Variants in ZBTB20 observed in about 807,000 individuals in gnomAD.
ZBTB20 encodes zinc finger and BTB domain-containing protein 20.
Under a neutral mutation model 56.9 loss-of-function variants are expected in ZBTB20, and 9 were observed. The observed-to-expected ratio is 0.16, with a 90% CI of 0.10 to 0.28. The LOEUF (loss-of-function observed/expected upper bound fraction) is 0.28, where lower values mean the gene tolerates loss of function less well. Among genes scored for constraint, ZBTB20 ranks in the 10% least tolerant of loss-of-function variants. ZBTB20 has a pLI of 1.00. For synonymous variants in ZBTB20, 417 were observed against 420.7 expected (o/e 0.99, Z 0.11); for missense variants, 655 against 1,003.0 (o/e 0.65, Z 4.69).
At chr3:114,479,076 C>G (rs957048973) in intron 7 of ZBTB20, among the ~76,000 whole-genome samples, 7 of 138,630 alleles carry the variant, frequency 5.0e-5, no homozygotes, top group African/African-American at 1.1e-4. Flanking sequence ...TGGGGGGGGG[C>G]CACAGTAGGG....
At chr3:114,536,388 A>C (rs1577365331) in intron 6 of ZBTB20, among the ~76,000 whole-genome samples, 1 of 152,180 alleles carries the variant, frequency 6.6e-6, no homozygotes, top group South Asian at 2.1e-4. Context: ...TCCATTCATA[A>C]TTGCCATAAA....
chr3:114,787,702 T>G (rs1463598886), intron 5 of ZBTB20, among the ~76,000 whole-genome samples: 1 of 151,992 alleles, frequency 6.6e-6, no homozygotes, highest in East Asian at 1.9e-4. Flanking sequence ...CCAAGAAGTT[T>G]ATTAATGTCA....
chr3:114,903,271 C>G (rs1197286689), intron 3 of ZBTB20, among the ~76,000 whole-genome samples: 2 of 152,004 alleles, frequency 1.3e-5, no homozygotes, highest in Non-Finnish European at 2.9e-5. Flanking sequence ...ACTCACCCTA[C>G]GAGGTTGTCT....
intron 1 of ZBTB20, among the ~76,000 whole-genome samples, chr3:115,091,441 A>G (rs2083189327): frequency 6.6e-6 from 1 of 152,106 alleles, no homozygotes; most frequent in Non-Finnish European, 1.5e-5. Flanking sequence ...CCCAAATAAT[A>G]GCAAATTTGT....
At chr3:114,739,448 A>T (rs973037942) in intron 5 of ZBTB20, among the ~76,000 whole-genome samples, 1 of 152,070 alleles carries the variant, frequency 6.6e-6, no homozygotes, top group African/African-American at 2.4e-5. Flanking sequence ...AACATAGTCC[A>T]CCATCACAGG....
At chr3:114,340,582 C>A (rs1373858524) in intron 11 of ZBTB20, among the ~76,000 whole-genome samples, 1 of 152,078 alleles carries the variant, frequency 6.6e-6, no homozygotes, top group Non-Finnish European at 1.5e-5. Context: ...GTCCATGGGT[C>A]CGTGACATCT....
chr3:114,593,666 G>A (rs2056028233), intron 6 of ZBTB20, among the ~76,000 whole-genome samples: 1 of 152,128 alleles, frequency 6.6e-6, no homozygotes, highest in African/African-American at 2.4e-5. Flanking sequence ...TTACAGGTGT[G>A]AGCCACTGCG....
intron 7 of ZBTB20, among the ~76,000 whole-genome samples, chr3:114,490,223 T>G (rs779530703): frequency 6.6e-6 from 1 of 152,110 alleles, no homozygotes; most frequent in Non-Finnish European, 1.5e-5. Context: ...ATATATTTAT[T>G]GATTGATTGA....
intron 4 of ZBTB20, among the ~76,000 whole-genome samples, chr3:114,895,995 T>G (rs2074862710): frequency 6.6e-6 from 1 of 152,088 alleles, no homozygotes; most frequent in African/African-American, 2.4e-5. Flanking sequence ...AATCCAGATA[T>G]CCTAAGTGCA....
At chr3:114,476,080 A>G (rs2040728080) in intron 7 of ZBTB20, among the ~76,000 whole-genome samples, 1 of 152,220 alleles carries the variant, frequency 6.6e-6, no homozygotes, top group Admixed American at 6.5e-5. Context: ...AAAAGGTGGG[A>G]TTATACCATA....
rs763111427 is a variant in ZBTB20, at chr3:114,453,922, C to G, written c.-255+46430G>C. On this transcript the variant is annotated intron_variant, in intron 7 of 11. Transcript: ENST00000675478. ...ACATATATCAGACATTAAGCTCACT[C>G]CCCCCCCCCCCACCCTTCCCTTTGT... Among the ~76,000 whole-genome samples, 433 of 64,404 alleles carry G rather than the reference C, an allele frequency of 6.7e-3. 4 individuals carry two copies. Among genetic ancestry groups the G allele is most frequent in the Middle Eastern group, 0.017 (2 of 116 alleles). The allele number at this position is 64,404 out of a possible 152,430, so 42.3% of individuals were successfully genotyped here.
chr3:114,647,051 C>T (rs549986155), intron 6 of ZBTB20, among the ~76,000 whole-genome samples: 113 of 152,064 alleles, frequency 7.4e-4, no homozygotes, highest in African/African-American at 2.1e-3. Flanking sequence ...CTCTGCCTCC[C>T]GGGTTCATGC....
intron 6 of ZBTB20, among the ~76,000 whole-genome samples, chr3:114,691,789 A>C (rs1416891347): frequency 6.6e-6 from 1 of 152,076 alleles, no homozygotes; most frequent in African/African-American, 2.4e-5. Context: ...ATTGGATTTA[A>C]ATTATAGAAA....
Position 115,062,591 on chromosome 3 carries a change from T to C in ZBTB20, c.-507+8628A>G, listed in dbSNP as rs2082050163. The stretch of plus-strand genomic sequence containing the variant: ...TTGTTTGTTTGCTGTTGGGTTTTTA[T>C]TGTTGGAATGTTTTTATTTTAAAAA... On this transcript the variant is annotated intron_variant, in intron 2 of 11. Transcript: ENST00000675478. 2.6e-5 allele frequency among the ~76,000 whole-genome samples: 4 copies of C among 152,118 alleles called. No individual in the cohort carries two copies. In the South Asian group the frequency reaches 8.3e-4, roughly 31 times the overall value.
At chr3:114,514,123 T>C (rs1426705215) in intron 6 of ZBTB20, among the ~76,000 whole-genome samples, 1 of 152,118 alleles carries the variant, frequency 6.6e-6, no homozygotes, top group Non-Finnish European at 1.5e-5. Flanking sequence ...GTTTTTAGCA[T>C]TGCTAGAGCT....
At chr3:114,501,550 T>C (rs1434153080) in intron 6 of ZBTB20, among the ~76,000 whole-genome samples, 1 of 140,736 alleles carries the variant, frequency 7.1e-6, no homozygotes, top group Non-Finnish European at 1.5e-5. Context: ...TGCTTGAACC[T>C]GGGAGGCGGA....
intron 3 of ZBTB20, among the ~76,000 whole-genome samples, chr3:114,922,213 T>C (rs1418692404): frequency 1.3e-5 from 2 of 152,128 alleles, no homozygotes; most frequent in Admixed American, 6.5e-5. Flanking sequence ...GGCAATCCCA[T>C]AGAAAACATC....
chr3:114,537,237 C>T (rs1287926679), intron 6 of ZBTB20, among the ~76,000 whole-genome samples: 1 of 152,098 alleles, frequency 6.6e-6, no homozygotes, highest in Non-Finnish European at 1.5e-5. Context: ...GCAATCTATT[C>T]ATCTAACAAA....
intron 4 of ZBTB20, among the ~76,000 whole-genome samples, chr3:114,814,201 T>C (rs772126990): frequency 1.3e-5 from 2 of 150,972 alleles, no homozygotes; most frequent in South Asian, 2.1e-4. Context: ...CTCATGTTTT[T>C]CCACTGTTTA....
Sources: gnomAD v4.1 joint callset for allele counts (sites outside exome capture counted in the v4.1 genomes callset) on GRCh38, gnomAD v4.1.1 for gene constraint, MANE v1.5 for transcripts, NCBI Gene and HGNC (gene_info 2026-07-23, HGNC 2026-07-21) for gene names.